STK3: variants seen among roughly 807,000 people sequenced by gnomAD.
The protein encoded by STK3 is serine/threonine kinase 3.
STK3 carries 41 observed loss-of-function variants against 58.0 expected under a neutral mutation model. The observed-to-expected ratio is 0.71, with a 90% confidence interval of 0.55 to 0.92. The LOEUF is 0.92. Among genes scored for constraint, STK3 ranks in the 40% least tolerant of loss-of-function variants. STK3 has a pLI of 0.00. For missense variants in STK3, 479 were observed against 602.7 expected (o/e 0.79, Z 2.15); for synonymous variants, 170 against 191.0 (o/e 0.89, Z 0.91).
chr8:98,824,373 A>G (rs933410240), intron 1 of STK3, among the ~76,000 whole-genome samples: 8 of 152,226 alleles, frequency 5.3e-5, no homozygotes, highest in African/African-American at 1.9e-4. Flanking sequence ...CAGCTAATCA[A>G]TAGAGAGCTG....
At chr8:98,613,244 C>G (rs960381620) in intron 6 of STK3, among the ~76,000 whole-genome samples, 2 of 152,028 alleles carry the variant, frequency 1.3e-5, no homozygotes, top group African/African-American at 2.4e-5. Context: ...AAACATTCAC[C>G]TAAAACAGAA....
intron 3 of STK3, among the ~76,000 whole-genome samples, chr8:98,860,931 A>C (rs1330662706): frequency 6.6e-6 from 1 of 152,074 alleles, no homozygotes; most frequent in East Asian, 1.9e-4. Context: ...GTGGTGGTGC[A>C]TGCTTGTAGT....
chr8:98,404,068 A>T (rs571234219), intron 3 of STK3, among the ~76,000 whole-genome samples: 4 of 152,356 alleles, frequency 2.6e-5, no homozygotes, highest in East Asian at 1.9e-4. Context: ...GGCAGAGTTT[A>T]TGCACTGAAT....
chr8:98,814,214 A>AT (rs886146155), intron 1 of STK3, among the ~76,000 whole-genome samples: 1 of 151,470 alleles, frequency 6.6e-6, no homozygotes, highest in African/African-American at 2.4e-5. Context: ...TACCTGGCTA[A>AT]TTTTTTTTGT....
intron 1 of STK3, among the ~76,000 whole-genome samples, chr8:98,809,511 C>T (rs1834089302): frequency 6.6e-6 from 1 of 152,248 alleles, no homozygotes; most frequent in African/African-American, 2.4e-5. Flanking sequence ...CCATTTTCCA[C>T]TTCCCCATAG....
chr8:98,392,359 A>G (rs182360250), upstream of STK3, among the ~76,000 whole-genome samples: 67 of 152,262 alleles, frequency 4.4e-4, no homozygotes, highest in African/African-American at 1.5e-3. Context: ...CCTAAACAAT[A>G]CCCCATATTA....
intron 6 of STK3, among the ~76,000 whole-genome samples, chr8:98,648,385 T>G (rs905359950): frequency 4.6e-5 from 7 of 152,234 alleles, no homozygotes; most frequent in African/African-American, 1.4e-4. Flanking sequence ...TTTTTACCAC[T>G]AATAAAAATA....
At chr8:98,629,507 A>T (rs767038434) in intron 6 of STK3, among the ~76,000 whole-genome samples, 24 of 152,170 alleles carry the variant, frequency 1.6e-4, no homozygotes, top group Non-Finnish European at 3.1e-4. Context: ...AAAGTTTACT[A>T]ATCTAGAGGG....
intron 10 of STK3, among the ~76,000 whole-genome samples, chr8:98,494,562 G>T (rs1822972795): frequency 6.6e-6 from 1 of 151,126 alleles, no homozygotes; most frequent in Non-Finnish European, 1.5e-5. Context: ...GGCTAAGGTG[G>T]GTGGATCACT....
chr8:98,634,295 T>C (rs1264907254), intron 6 of STK3, among the ~76,000 whole-genome samples: 1 of 152,146 alleles, frequency 6.6e-6, no homozygotes, highest in Non-Finnish European at 1.5e-5. Context: ...GAGAACAGCC[T>C]GGGCAACATG....
At chr8:98,423,024 G>A (rs949345878) in intron 3 of STK3, among the ~76,000 whole-genome samples, 1 of 152,154 alleles carries the variant, frequency 6.6e-6, no homozygotes, top group African/African-American at 2.4e-5. Flanking sequence ...AGTTGCTCAG[G>A]AGAGCACCCC....
chr8:98,592,017 A>AT (rs1815357238), intron 7 of STK3, among the ~76,000 whole-genome samples: 1 of 152,106 alleles, frequency 6.6e-6, no homozygotes, highest in East Asian at 1.9e-4. Flanking sequence ...TTTGGCAACT[A>AT]TTTTTTTAAA....
chr8:98,548,085 G>A lies in STK3; in HGVS notation c.1025C>T (p.Thr342Met), dbSNP rs202028661. 8.1e-6 allele frequency: 13 copies of A among 1,608,712 alleles called. No homozygotes were observed. The highest frequency in any genetic ancestry group is 8.0e-5 in the African/African-American group (6 of 74,572). Residue 342 changes from threonine (T) to methionine (M), a missense_variant, in exon 9 of 11, where the codon ACG (threonine) becomes ATG (methionine). Around this residue, in one of 3 missense-constraint regions of STK3, gnomAD observed 309 missense variants for 355.7 expected, o/e 0.87. Transcript: ENST00000419617. ...CATGGTCTGGGCCCCTTCACTCATC[G>A]TGCTTGTGGCCCGCATGGTGCCCAC... ...ESVGTMRATS[T>M]MSEGAQTMIE...
At chr8:98,667,410 T>G (rs2130820503) in intron 6 of STK3, among the ~76,000 whole-genome samples, 2 of 152,230 alleles carry the variant, frequency 1.3e-5, no homozygotes, top group African/African-American at 4.8e-5. Flanking sequence ...TTACTTCTAT[T>G]TTAAACCACC....
At chr8:98,772,940 C>T (rs528013790) in intron 2 of STK3, among the ~76,000 whole-genome samples, 1 of 152,224 alleles carries the variant, frequency 6.6e-6, no homozygotes, top group African/African-American at 2.4e-5. Flanking sequence ...TATAACAACA[C>T]AAGAACAGCT....
chr8:98,762,521 T>C (rs1403116605), intron 3 of STK3, among the ~76,000 whole-genome samples: 1 of 152,242 alleles, frequency 6.6e-6, no homozygotes. Context: ...CCCAAAGTGC[T>C]GGGATTACAG....
rs572855681 is a variant in STK3 at position 98,867,719 on chromosome 8, G to C, written c.110+15928C>G. On this transcript the variant is annotated intron_variant, in intron 3 of 12. Transcript: ENST00000523601. ...TCAGCTTCATTGCTTACCAACCTTC[G>C]GCAAGAATTTAACCTCTCCATGCCC... 7.1e-4 allele frequency among the ~76,000 whole-genome samples: 108 copies of C among 152,180 alleles called. 2 individuals are homozygous for C. Among genetic ancestry groups the C allele is most frequent in the African/African-American group, 2.5e-3 (102 of 41,534 alleles).
At chr8:98,733,038 C>G (rs1828320354) in intron 4 of STK3, among the ~76,000 whole-genome samples, 1 of 152,106 alleles carries the variant, frequency 6.6e-6, no homozygotes, top group Admixed American at 6.5e-5. Flanking sequence ...CTTTGGGTAA[C>G]CTAGGGGTAC....
At chr8:98,518,001 T>C (rs1825065951) in intron 10 of STK3, among the ~76,000 whole-genome samples, 1 of 152,082 alleles carries the variant, frequency 6.6e-6, no homozygotes, top group Non-Finnish European at 1.5e-5. Flanking sequence ...TTTTAAAATG[T>C]AGAGTAGTCA....
Sources: allele counts gnomAD v4.1 joint callset (sites outside exome capture counted in the v4.1 genomes callset), GRCh38; gene constraint gnomAD v4.1.1; regional missense constraint gnomAD v4.1.1; transcripts MANE v1.5; gene names NCBI Gene and HGNC (gene_info 2026-07-23, HGNC 2026-07-21).